The following PRKG2 variants were observed in gnomAD, a reference collection of about 807,000 sequenced individuals.
PRKG2 encodes the protein protein kinase cGMP-dependent 2.
Under a neutral mutation model 97.2 loss-of-function variants are expected in PRKG2, and 33 were observed. That is an observed-to-expected ratio of 0.34 (90% CI 0.26 to 0.45). The LOEUF (loss-of-function observed/expected upper bound fraction) is 0.45. Among genes scored for constraint, PRKG2 ranks in the 20% least tolerant of loss-of-function variants. The pLI is 1.00. For missense variants in PRKG2, 638 were observed against 900.0 expected, an observed-to-expected ratio of 0.71 and a Z score of 3.73; for synonymous variants, 330 against 321.8, an observed-to-expected ratio of 1.03 and a Z score of -0.27.
At chr4:81,156,805 T>A (rs1262511865) in intron 6 of PRKG2, among the ~76,000 whole-genome samples, 1 of 152,164 alleles carries the variant, frequency 6.6e-6, no homozygotes, top group African/African-American at 2.4e-5. Context: ...ACATGGAAAC[T>A]GAACAACCTG....
intron 7 of PRKG2, chr4:81,153,393 T>A (rs1445976033): frequency 2.0e-5 from 7 of 344,832 alleles, no homozygotes; most frequent in Non-Finnish European, 1.6e-5. Flanking sequence ...CATATACAAT[T>A]AAGCTAGGTC....
Position 81,194,347 on chromosome 4 carries a change from G to A in PRKG2, c.461+10240C>T, listed in dbSNP as rs1350546123. Among the ~76,000 whole-genome samples the A allele has an allele frequency of 2.0e-5, 3 of 151,182 alleles. No individual in the cohort carries two copies. In the South Asian group the frequency reaches 6.3e-4, roughly 32 times the overall value. ...TAAACAAGGCACATTTAATAAACAG[G>A]ATACGCATCTCTATTTTCTTCCCCA... On this transcript the variant is annotated intron_variant, in intron 2 of 18. Coordinates refer to ENST00000264399, the MANE Select transcript of PRKG2 (RefSeq NM_006259.3).
At chr4:81,158,796 T>C (rs1296366158) in intron 6 of PRKG2, among the ~76,000 whole-genome samples, 1 of 152,070 alleles carries the variant, frequency 6.6e-6, no homozygotes, top group Non-Finnish European at 1.5e-5. Flanking sequence ...TAACGTCACA[T>C]ATCTACAACC....
At chr4:81,147,145 G>A (rs920918026) in intron 9 of PRKG2, among the ~76,000 whole-genome samples, 3 of 152,110 alleles carry the variant, frequency 2.0e-5, no homozygotes, top group Non-Finnish European at 4.4e-5. Context: ...TAACTTGTAA[G>A]CCATATAAAA....
chr4:81,094,683 T>C (rs1741938869), intron 17 of PRKG2, among the ~76,000 whole-genome samples: 1 of 151,876 alleles, frequency 6.6e-6, no homozygotes, highest in Non-Finnish European at 1.5e-5. Flanking sequence ...AAAGTGATAT[T>C]TGAAAGAGCC....
intron 6 of PRKG2, among the ~76,000 whole-genome samples, chr4:81,165,888 C>T (rs930950935): frequency 3.3e-5 from 5 of 151,800 alleles, no homozygotes; most frequent in African/African-American, 7.3e-5. Context: ...GGTGAATCTA[C>T]TCTATTAGTA....
At chr4:81,146,093 TC>T (rs1384536157) in intron 9 of PRKG2, among the ~76,000 whole-genome samples, 2 of 152,166 alleles carry the variant, frequency 1.3e-5, no homozygotes, top group East Asian at 3.8e-4. Context: ...TTTTCTAATC[TC>T]CAATAGTTGA....
intron 14 of PRKG2, among the ~76,000 whole-genome samples, chr4:81,134,644 A>G (rs143305452): frequency 2.0e-5 from 3 of 152,266 alleles, no homozygotes; most frequent in Non-Finnish European, 2.9e-5. Flanking sequence ...ACAGCCAGGA[A>G]AGTCTGTGTC....
intron 2 of PRKG2, among the ~76,000 whole-genome samples, chr4:81,200,118 A>C (rs1336745048): frequency 6.6e-6 from 1 of 152,234 alleles, no homozygotes. Context: ...CAATATCTAC[A>C]TAAACAGAAA....
chr4:81,115,440 T>C (rs528717938), intron 14 of PRKG2, among the ~76,000 whole-genome samples: 1 of 152,346 alleles, frequency 6.6e-6, no homozygotes, highest in Admixed American at 6.5e-5. Context: ...ATGTGTTGTC[T>C]ATTTTTGGCC....
intron 3 of PRKG2, among the ~76,000 whole-genome samples, chr4:81,172,779 T>A (rs1435100960): frequency 6.6e-6 from 1 of 152,170 alleles, no homozygotes; most frequent in African/African-American, 2.4e-5. Context: ...TAGCTCTGTA[T>A]CATCTCTGTC....
intron 3 of PRKG2, among the ~76,000 whole-genome samples, chr4:81,174,455 T>C (rs542131870): frequency 1.3e-5 from 2 of 152,130 alleles, no homozygotes; most frequent in Non-Finnish European, 2.9e-5. Flanking sequence ...CTGCTTATGA[T>C]CTATGTGGCG....
chr4:81,154,525 G>GC (rs1410542694), intron 6 of PRKG2, among the ~76,000 whole-genome samples: 8 of 140,956 alleles, frequency 5.7e-5, no homozygotes, highest in African/African-American at 1.9e-4. Context: ...ACCTCACACG[G>GC]CAGGGTACTC....
chr4:81,216,444 C>G (rs1754275805), upstream of PRKG2, among the ~76,000 whole-genome samples: 1 of 151,726 alleles, frequency 6.6e-6, no homozygotes, highest in South Asian at 2.1e-4. Flanking sequence ...TTGTATGTCA[C>G]TGTAATAATG....
At chr4:81,118,636 T>C (rs1049578400) in intron 14 of PRKG2, among the ~76,000 whole-genome samples, 2 of 152,244 alleles carry the variant, frequency 1.3e-5, no homozygotes, top group African/African-American at 2.4e-5. Flanking sequence ...CATTATTTAA[T>C]CAAGTTGTTT....
chr4:81,176,902 A>G (rs1205997992), intron 2 of PRKG2, among the ~76,000 whole-genome samples: 1 of 152,164 alleles, frequency 6.6e-6, no homozygotes, highest in Non-Finnish European at 1.5e-5. Context: ...AAAAAAATCA[A>G]TATCCTACAA....
Position 81,128,814 on chromosome 4 carries a change from C to T in PRKG2, c.1776+6341G>A, listed in dbSNP as rs541010553. Among the ~76,000 whole-genome samples, 209 of 152,030 alleles carry T rather than the reference C, an allele frequency of 1.4e-3. 1 individual carries two copies. Among genetic ancestry groups the T allele is most frequent in the Non-Finnish European group, 2.5e-3 (167 of 67,992 alleles). On this transcript the variant is annotated intron_variant, in intron 14 of 18. Transcript: ENST00000264399. The stretch of plus-strand genomic sequence containing the variant: ...TGATTTTTTGAAGGGTTTTTCATGT[C>T]TCTATCTTCTTCAGTTCTGTTCTGA...
intron 14 of PRKG2, among the ~76,000 whole-genome samples, chr4:81,126,017 T>G (rs1260344672): frequency 1.3e-5 from 2 of 152,152 alleles, no homozygotes; most frequent in African/African-American, 4.8e-5. Flanking sequence ...CCTAATGCTA[T>G]CCCTCTCCCA....
intron 17 of PRKG2, among the ~76,000 whole-genome samples, chr4:81,093,064 T>C (rs150280740): frequency 1.2e-3 from 185 of 152,250 alleles, no homozygotes; most frequent in African/African-American, 4.3e-3. Flanking sequence ...GTCTGTTCCA[T>C]GTCTTTGCTG....
Sources: allele counts gnomAD v4.1 joint callset (sites outside exome capture counted in the v4.1 genomes callset), GRCh38; gene constraint gnomAD v4.1.1; transcripts MANE v1.5; gene names NCBI Gene and HGNC (gene_info 2026-07-23, HGNC 2026-07-21).